RGS7: variants seen among roughly 807,000 people sequenced by gnomAD.
The protein encoded by RGS7 is regulator of G-protein signaling 7.
A neutral mutation model predicts 81.1 loss-of-function variants in RGS7; 27 were observed. The ratio of observed to expected loss-of-function variants is 0.33; its 90% confidence interval spans 0.25 to 0.46. The LOEUF (loss-of-function observed/expected upper bound fraction) is 0.46. RGS7 is among the 20% of genes least tolerant of loss of function. The pLI, the probability that RGS7 is intolerant of heterozygous loss-of-function variation, is 1.00. For missense variants in RGS7, 396 were observed against 607.4 expected (o/e 0.65, Z 3.66); for synonymous variants, 208 against 207.7 (o/e 1.00, Z -0.01).
At chr1:241,101,423 G>C (rs566962633) in intron 2 of RGS7, among the ~76,000 whole-genome samples, 134 of 152,112 alleles carry the variant, frequency 8.8e-4, no homozygotes, top group African/African-American at 3.2e-3. Context: ...CTGAACCCCA[G>C]AGGCAGAGCT....
At chr1:240,957,024 T>C (rs1212180502) in intron 4 of RGS7, among the ~76,000 whole-genome samples, 5 of 152,170 alleles carry the variant, frequency 3.3e-5, no homozygotes, top group Non-Finnish European at 4.4e-5. Context: ...CTTGATTGGA[T>C]TGAAGGATGC....
intron 3 of RGS7, among the ~76,000 whole-genome samples, chr1:241,008,151 AAAC>A (rs542983233): frequency 1.4e-4 from 21 of 152,316 alleles, no homozygotes; most frequent in Non-Finnish European, 2.6e-4. Context: ...ACAAACAAAA[AAAC>A]AATAACAAAA....
chr1:241,148,030 A>C (rs1284779043), intron 2 of RGS7, among the ~76,000 whole-genome samples: 1 of 146,624 alleles, frequency 6.8e-6, no homozygotes, highest in Non-Finnish European at 1.5e-5. Context: ...GGTGTTTTCA[A>C]ATTTTCTTTC....
At chr1:240,954,370 A>G (rs1224945860) in intron 4 of RGS7, among the ~76,000 whole-genome samples, 1 of 152,158 alleles carries the variant, frequency 6.6e-6, no homozygotes, top group Non-Finnish European at 1.5e-5. Flanking sequence ...AATGGAATTT[A>G]ACAGTTAATA....
chr1:240,994,571 A>AT (rs1326224290), intron 3 of RGS7, among the ~76,000 whole-genome samples: 1 of 151,976 alleles, frequency 6.6e-6, no homozygotes, highest in East Asian at 1.9e-4. Context: ...TTTTTTGCAG[A>AT]TATTTTGGGA....
chr1:240,930,223 T>TC (rs1675181156), intron 6 of RGS7, among the ~76,000 whole-genome samples: 1 of 42,022 alleles, frequency 2.4e-5, no homozygotes, highest in African/African-American at 9.6e-5. Flanking sequence ...CTTTTTTAGC[T>TC]TTTTTTTTTT....
intron 2 of RGS7, among the ~76,000 whole-genome samples, chr1:241,230,641 A>ACAATGCCTG (rs1350968120): frequency 2.0e-5 from 3 of 152,374 alleles, no homozygotes; most frequent in African/African-American, 4.8e-5. Context: ...CAAGGCCTGT[A>ACAATGCCTG]CAATGCCTGA....
At chr1:240,943,891 G>A (rs1678025605) in intron 4 of RGS7, among the ~76,000 whole-genome samples, 1 of 152,040 alleles carries the variant, frequency 6.6e-6, no homozygotes, top group African/African-American at 2.4e-5. Flanking sequence ...AGAGCACGGG[G>A]ACAGCAATCA....
Position 241,136,742 on chromosome 1 carries a change from A to T in RGS7, c.79-37980T>A, listed in dbSNP as rs1222745653. Among the ~76,000 whole-genome samples the T allele has an allele frequency of 2.0e-5, 3 of 148,576 alleles. No homozygotes were observed. The East Asian group carries it at 6.5e-4, about 32-fold the overall frequency. On this transcript the variant is annotated intron_variant, in intron 2 of 18. Transcript: ENST00000440928. Reference sequence around the variant, plus strand: ...TTTGGACACTGCCTTAGTTCAGCTCAAGTGCATTTGTGATTTCACATGTAA... The same window carrying T: ...TTTGGACACTGCCTTAGTTCAGCTCTAGTGCATTTGTGATTTCACATGTAA...
chr1:241,068,377 T>C (rs1466901890), intron 3 of RGS7, among the ~76,000 whole-genome samples: 2 of 151,490 alleles, frequency 1.3e-5, no homozygotes, highest in African/African-American at 4.8e-5. Flanking sequence ...TAGCTTCTTC[T>C]CCTTATTCTG....
chr1:240,988,417 A>G (rs1050913202), intron 3 of RGS7, among the ~76,000 whole-genome samples: 2 of 152,110 alleles, frequency 1.3e-5, no homozygotes, highest in African/African-American at 4.8e-5. Flanking sequence ...TCTGTAATTT[A>G]AAACACTGCA....
chr1:241,326,436 C>T (rs961699610), intron 2 of RGS7, among the ~76,000 whole-genome samples: 6 of 152,142 alleles, frequency 3.9e-5, no homozygotes, highest in Admixed American at 2.0e-4. Flanking sequence ...TTTGTTTCTC[C>T]GTGTATCAGT....
At chr1:241,066,029 A>G (rs1304826942) in intron 3 of RGS7, among the ~76,000 whole-genome samples, 1 of 152,238 alleles carries the variant, frequency 6.6e-6, no homozygotes, top group Non-Finnish European at 1.5e-5. Context: ...TAAAAAGAGT[A>G]TATAAACTTA....
chr1:241,222,744 T>C (rs1475952360), intron 2 of RGS7, among the ~76,000 whole-genome samples: 1 of 151,558 alleles, frequency 6.6e-6, no homozygotes, highest in Non-Finnish European at 1.5e-5. Context: ...AGCTAAGGAG[T>C]AGAGCCCATG....
chr1:240,934,348 T>G (rs529567746), intron 5 of RGS7, among the ~76,000 whole-genome samples: 1 of 152,226 alleles, frequency 6.6e-6, no homozygotes, highest in Non-Finnish European at 1.5e-5. Context: ...ATTTATGATT[T>G]TAAAATATCC....
At chr1:240,977,552 C>T (rs1314467720) in intron 4 of RGS7, among the ~76,000 whole-genome samples, 1 of 152,178 alleles carries the variant, frequency 6.6e-6, no homozygotes, top group African/African-American at 2.4e-5. Flanking sequence ...AAATAATTGA[C>T]ACAAATAAAA....
At position 240,806,058 on chromosome 1, in the gene RGS7, T is replaced by G. The variant is rs1688789323; in HGVS notation, c.1269+82A>C. ...TGAAAATGTTAGAAATAGCTGCCAT[T>G]TAGAATGAAAATAAAATGAATACAT... On this transcript the variant is annotated intron_variant, in intron 15 of 18. Coordinates refer to ENST00000440928, the MANE Select transcript of RGS7 (RefSeq NM_001364886.1). The G allele has an allele frequency of 1.1e-5, 14 of 1,232,898 alleles. No individual in the cohort carries two copies. In the South Asian group the frequency reaches 1.7e-4, roughly 15 times the overall value. 76.4% of individuals were successfully genotyped at this position (1,232,898 alleles called of 1,614,324 possible).
intron 5 of RGS7, among the ~76,000 whole-genome samples, chr1:240,931,174 C>T (rs1366740242): frequency 6.6e-6 from 1 of 152,102 alleles, no homozygotes; most frequent in African/African-American, 2.4e-5. Flanking sequence ...TGTATTTCAA[C>T]ACTGCTTTTG....
intron 2 of RGS7, among the ~76,000 whole-genome samples, chr1:241,140,509 T>A (rs2067850845): frequency 6.6e-6 from 1 of 152,222 alleles, no homozygotes; most frequent in African/African-American, 2.4e-5. Context: ...ACTCAAGTGA[T>A]GCTTCCGCCT....
Sources: allele counts gnomAD v4.1 joint callset (sites outside exome capture counted in the v4.1 genomes callset), GRCh38; gene constraint gnomAD v4.1.1; transcripts MANE v1.5; gene names NCBI Gene and HGNC (gene_info 2026-07-23, HGNC 2026-07-21).